Variants in TMEM237 observed in about 807,000 individuals in gnomAD.
The protein encoded by TMEM237 is amyotrophic lateral sclerosis 2 (juvenile) chromosome region, candidate 4.
TMEM237 carries 51 observed loss-of-function variants against 59.1 expected under a neutral mutation model. That is an observed-to-expected ratio of 0.86 (90% confidence interval 0.69 to 1.09). The LOEUF (loss-of-function observed/expected upper bound fraction) is 1.09. Ranked by LOEUF, TMEM237 falls within the 50% of genes least tolerant of loss-of-function variation. The pLI, the probability that TMEM237 is intolerant of heterozygous loss-of-function variation, is 0.00. For synonymous variants in TMEM237, 140 were observed against 166.1 expected (o/e 0.84, Z 1.21); for missense variants, 475 against 478.3 (o/e 0.99, Z 0.06).
In TMEM237 at chr2:201,643,454, C is replaced by T; in HGVS notation, c.-54G>A. 2 of 1,406,740 alleles carry T rather than the reference C, an allele frequency of 1.4e-6. No homozygotes were observed. Among genetic ancestry groups the T allele is most frequent in the Non-Finnish European group, 1.9e-6 (2 of 1,074,736 alleles). The allele number at this position is 1,406,740 out of a possible 1,614,324, so 87.1% of individuals were successfully genotyped here. On this transcript the variant is annotated 5_prime_UTR_variant, in exon 1 of 13. Transcript: ENST00000409883. This position sits in a 1 kb window ranked among gnomAD's most constrained non-coding sequence, Gnocchi z 4.3. ...GCAACCGCCGGCGGCCCGAGCCCAG[C>T]TCCCCGCGACGCAGCGGCCTCCGGG...
At chr2:201,631,417 T>C (rs1249002101) in intron 7 of TMEM237, 1 of 152,236 alleles carries the variant, frequency 6.6e-6, no homozygotes, top group African/African-American at 2.4e-5. Flanking sequence ...AAACCTAGTA[T>C]ACATTATACA....
chr2:201,630,462 T>A (rs920533421), intron 7 of TMEM237, among the ~76,000 whole-genome samples: 3 of 152,184 alleles, frequency 2.0e-5, no homozygotes, highest in Admixed American at 6.6e-5. Flanking sequence ...CCTTCTTGTA[T>A]ATCTAGTAAT....
Position 201,623,947 on chromosome 2 carries a change from A to C in TMEM237, c.*308T>G, listed in dbSNP as rs185380807. The C allele has an allele frequency of 1.6e-3, 325 of 201,888 alleles. No homozygotes were observed. The highest frequency in any genetic ancestry group is 2.3e-3 in the Non-Finnish European group (233 of 100,708). 12.5% of individuals were successfully genotyped at this position (201,888 alleles called of 1,614,324 possible). A position where few individuals can be genotyped will look rare whatever the true frequency, so the allele number is the denominator to read the frequency against. ...ACTATTTAAGTTATGGCTTTTTCTA[A>C]ACCAGTGCTTTTTAAGGTAATAGTT... is the stretch of plus-strand genomic sequence containing the variant. On this transcript the variant is annotated 3_prime_UTR_variant, in exon 13 of 13. Transcript: ENST00000409883.
chr2:201,634,145 G>T lies in TMEM237; in HGVS notation c.275-714C>A, dbSNP rs77757383. 2.2e-3 allele frequency among the ~76,000 whole-genome samples: 330 copies of T among 152,018 alleles called. 1 individual carries two copies. The highest frequency in any genetic ancestry group is 7.3e-3 in the African/African-American group (304 of 41,450). ...TCCAAGTTCCCAGATGCCAGCTAAC[G>T]GCCAATCTTATCAGCAGGCTTTTCC... On this transcript the variant is annotated intron_variant, in intron 5 of 12. Transcript: ENST00000409883.
chr2:201,630,802 C>A (rs1957801006), intron 7 of TMEM237, among the ~76,000 whole-genome samples: 2 of 152,140 alleles, frequency 1.3e-5, no homozygotes, highest in African/African-American at 4.8e-5. Flanking sequence ...CAGTTCCACC[C>A]TAACCAAACT....
At chr2:201,633,279 G>A (rs752896958) in intron 6 of TMEM237, 32 bp downstream of exon 6, 2 of 1,576,620 alleles carry the variant, frequency 1.3e-6, no homozygotes, top group Non-Finnish European at 1.7e-6. Context: ...GGTAATCCTG[G>A]AGAATAGTTA....
chr2:201,643,429 G>T lies in TMEM237; in HGVS notation c.-29C>A, dbSNP rs1687475976. The T allele has an allele frequency of 2.0e-6, 3 of 1,480,022 alleles. No homozygotes were observed. Among genetic ancestry groups the T allele is most frequent in the Non-Finnish European group, 1.8e-6 (2 of 1,113,558 alleles). 91.7% of individuals were successfully genotyped at this position (1,480,022 alleles called of 1,614,324 possible). A position where few individuals can be genotyped will look rare whatever the true frequency, so the allele number is the denominator to read the frequency against. On this transcript the variant is annotated 5_prime_UTR_variant, in exon 1 of 13. Coordinates refer to ENST00000409883, the MANE Select transcript of TMEM237 (RefSeq NM_001044385.3). This position sits in a 1 kb window ranked among gnomAD's most constrained non-coding sequence, Gnocchi z 4.3. ...GCTCTCCCCGCGGGGCTGCCCCGGC[G>T]CAACCGCCGGCGGCCCGAGCCCAGC...
In TMEM237 at chr2:201,643,232, C is replaced by T. The variant is rs554542028; in HGVS notation, c.42+127G>A. 5.5e-5 allele frequency: 60 copies of T among 1,088,336 alleles called. 1 individual carries two copies. In the East Asian group the frequency reaches 5.6e-4, roughly 10 times the overall value. 67.4% of individuals were successfully genotyped at this position (1,088,336 alleles called of 1,614,324 possible). A position where few individuals can be genotyped will look rare whatever the true frequency, so the allele number is the denominator to read the frequency against. On this transcript the variant is annotated intron_variant, in intron 1 of 12. Transcript: ENST00000409883. This position sits in a 1 kb window ranked among gnomAD's most constrained non-coding sequence, Gnocchi z 4.3. ...CACTGGAGGGGCGGATGCGCGCACC[C>T]CACGAGCAAGGCCCTCCCTTAGTGA...
rs138509553 is a variant in TMEM237, at chr2:201,626,095, C to T, written c.1090G>A (p.Val364Met). 520 of 1,609,734 alleles carry T rather than the reference C, an allele frequency of 3.2e-4. 2 individuals carry two copies. In the African/African-American group the frequency reaches 5.9e-3, roughly 18 times the overall value. ...ILQPWIVVNL[V>M]VALLVGLSWL... ...GATAATCCAACCAGAAGAGCCACCA[C>T]GAGATTCACCACAATCCATGGCTGG... The change falls in exon 12 of 13, where the codon GTG (valine) becomes ATG (methionine). Residue 364 changes from valine (V) to methionine (M), a missense_variant. By Grantham distance (21) the Val-to-Met change is conservative. Transcript: ENST00000409883.
At position 201,629,385 on chromosome 2, in the gene TMEM237, G is replaced by C. The variant is rs370681829; in HGVS notation, c.714C>G (p.Gly238=). The change falls in exon 9 of 13, where the codon GGC becomes GGG. Residue 238 remains glycine (G), a synonymous_variant. Coordinates refer to ENST00000409883, the MANE Select transcript of TMEM237 (RefSeq NM_001044385.3). ...TCACAACAATATTCCACACAGCACA[G>C]CCAGCCAAGAATCCATGAGAAAAGA... ...IGLFSHGFLA[G]CAVWNIVVIY... 3.1e-6 allele frequency: 5 copies of C among 1,589,758 alleles called. No individual in the cohort carries two copies. Among genetic ancestry groups the C allele is most frequent in the Non-Finnish European group, 4.3e-6 (5 of 1,173,044 alleles).
chr2:201,643,415 G>A lies in TMEM237; in HGVS notation c.-15C>T, dbSNP rs746929900. 4 of 1,500,928 alleles carry A rather than the reference G, an allele frequency of 2.7e-6. No homozygotes were observed. The highest frequency in any genetic ancestry group is 2.5e-5 in the South Asian group (2 of 79,502). 93.0% of individuals were successfully genotyped at this position (1,500,928 alleles called of 1,614,324 possible). On this transcript the variant is annotated 5_prime_UTR_variant, in exon 1 of 13. Coordinates refer to ENST00000409883, the MANE Select transcript of TMEM237 (RefSeq NM_001044385.3). This position sits in a 1 kb window ranked among gnomAD's most constrained non-coding sequence, Gnocchi z 4.3. Reference sequence around the variant, plus strand: ...TCAGTCCTCATGGTGCTCTCCCCGCGGGGCTGCCCCGGCGCAACCGCCGGC... The same window carrying A: ...TCAGTCCTCATGGTGCTCTCCCCGCAGGGCTGCCCCGGCGCAACCGCCGGC...
chr2:201,638,154 T>C (rs1281888122), intron 4 of TMEM237, among the ~76,000 whole-genome samples: 2 of 152,228 alleles, frequency 1.3e-5, no homozygotes, highest in African/African-American at 4.8e-5. Flanking sequence ...TGGTACATTC[T>C]TATCATGTAA....
rs576982977 is a variant in TMEM237 at position 201,627,327 on chromosome 2, C to G, written c.1031G>C (p.Ser344Thr). The change falls in exon 11 of 13, where the codon AGC (serine) becomes ACC (threonine). Residue 344 changes from serine to threonine, a missense_variant. Ser to Thr is a moderately conservative substitution (Grantham distance 58). Coordinates refer to ENST00000409883, the MANE Select transcript of TMEM237 (RefSeq NM_001044385.3). ...TGTCATTGTGAATTCTTACCAGAGGCTACCATTAACAGAAGAAGGTGTGTA... is the reference window on the plus strand; with the variant it reads ...TGTCATTGTGAATTCTTACCAGAGGGTACCATTAACAGAAGAAGGTGTGTA... ...HLYTPSSVNGSLWEAGIEEQI... is the reference protein window; with the variant it reads ...HLYTPSSVNGTLWEAGIEEQI... The G allele has an allele frequency of 2.2e-5, 35 of 1,603,722 alleles. No individual in the cohort carries two copies. The African/African-American group carries it at 3.3e-4, about 15-fold the overall frequency.
In TMEM237 at chr2:201,636,872, C is replaced by T. The variant is rs1189849592; in HGVS notation, c.150G>A (p.Leu50=). The T allele has an allele frequency of 6.2e-7, 1 of 1,602,848 alleles. No homozygotes were observed. Among genetic ancestry groups the T allele is most frequent in the Non-Finnish European group, 8.5e-7 (1 of 1,176,000 alleles). ...GACCAGCAGTCTGAGCAAGGCCTTC[C>T]AAAGAAGCACTTGCTATAGAAAAAC... ...RTKNTPASAS[L]EGLAQTAGRR... The change falls in exon 5 of 13, where the codon TTG becomes TTA. Residue 50 remains leucine, a synonymous_variant. Coordinates refer to ENST00000409883, the MANE Select transcript of TMEM237 (RefSeq NM_001044385.3).
intron 3 of TMEM237, 23 bp downstream of exon 3, chr2:201,640,238 A>G (rs369271473): frequency 6.5e-7 from 1 of 1,549,696 alleles, no homozygotes; most frequent in African/African-American, 1.4e-5. Flanking sequence ...ACCAAATATT[A>G]TATTTACATT....
In TMEM237 at chr2:201,642,642, C is replaced by T. The variant is rs1687448985; in HGVS notation, c.42+717G>A. Reference sequence around the variant, plus strand: ...TCTTCCCCATTCTGCGTTTAGCCGGCCTCGGCGGCCGCCGGCCCCCAAGCA... The same window carrying T: ...TCTTCCCCATTCTGCGTTTAGCCGGTCTCGGCGGCCGCCGGCCCCCAAGCA... On this transcript the variant is annotated intron_variant, in intron 1 of 12. Transcript: ENST00000409883. 4 of 1,608,176 alleles carry T rather than the reference C, an allele frequency of 2.5e-6. No homozygotes were observed. The Admixed American group carries it at 6.8e-5, about 27-fold the overall frequency.
At chr2:201,642,812 G>A in intron 1 of TMEM237, 1 of 1,360,878 alleles carries the variant, frequency 7.3e-7, no homozygotes, top group Non-Finnish European at 9.4e-7. Context: ...GGCCAGTCCA[G>A]ACTAGCCCTG....
At chr2:201,642,945 G>C in intron 1 of TMEM237, 1 of 1,323,320 alleles carries the variant, frequency 7.6e-7, no homozygotes, top group Non-Finnish European at 9.6e-7. Context: ...TTTGCGGGAA[G>C]CGGGGCGTGA....
rs1553661245 is a variant in TMEM237 at position 201,635,762 on chromosome 2, T to TC, written c.274+985_274+986insG. On this transcript the variant is annotated intron_variant, in intron 5 of 12. Transcript: ENST00000409883. The surrounding 1 kb of genome is among the most constrained non-coding windows in gnomAD (Gnocchi z 4.5). ...GGGCTATAAGAGTGAAACTCCATCT[T>TC]AAAAAAAAAAAAAAAGAGGCTCGAA... Among the ~76,000 whole-genome samples the TC allele has an allele frequency of 7.0e-6, 1 of 142,468 alleles. No homozygotes were observed. Among genetic ancestry groups the TC allele is most frequent in the Non-Finnish European group, 1.5e-5 (1 of 65,454 alleles). 93.5% of individuals were successfully genotyped at this position (142,468 alleles called of 152,430 possible).
Sources: allele counts gnomAD v4.1 joint callset (sites outside exome capture counted in the v4.1 genomes callset), GRCh38; gene constraint gnomAD v4.1.1; non-coding constraint Gnocchi (gnomAD v3.1); transcripts MANE v1.5; gene names NCBI Gene and HGNC (gene_info 2026-07-23, HGNC 2026-07-21).